ROCK2: variants seen among roughly 807,000 people sequenced by gnomAD.
ROCK2 encodes the protein Rho associated coiled-coil containing protein kinase 2.
A neutral mutation model predicts 195.1 loss-of-function variants in ROCK2; 61 were observed. The observed-to-expected ratio is 0.31, with a 90% CI of 0.25 to 0.39. The LOEUF (loss-of-function observed/expected upper bound fraction) is 0.39, where lower values mean the gene tolerates loss of function less well. ROCK2 is among the 10% of genes least tolerant of loss of function. The pLI is 1.00. For missense variants in ROCK2, 1,109 were observed against 1,637.4 expected (o/e 0.68, Z 5.57); for synonymous variants, 504 against 545.5 (o/e 0.92, Z 1.06).
In ROCK2 at chr2:11,192,579, CAGTT is replaced by C; in HGVS notation, c.3817_3820del (p.Asn1273ValfsTer5). 3 of 1,614,072 alleles carry C rather than the reference CAGTT, an allele frequency of 1.9e-6. No homozygotes were observed. Among genetic ancestry groups the C allele is most frequent in the Non-Finnish European group, 1.7e-6 (2 of 1,180,010 alleles). The stretch of plus-strand genomic sequence containing the variant: ...CCACAGGGGCTTCATACAAGCCTCA[CAGTT>C]GGTTGGGAAATGATAAAGAGTAGGA... On this transcript the variant is annotated frameshift_variant, in exon 31 of 33. Coordinates refer to ENST00000315872, the MANE Select transcript of ROCK2 (RefSeq NM_004850.5). LOFTEE classifies it high-confidence loss of function. The surrounding 1 kb of genome is among the most constrained non-coding windows in gnomAD (Gnocchi z 5.0).
In ROCK2 at chr2:11,228,231, A is replaced by G. The variant is rs115184430; in HGVS notation, c.724-833T>C. On this transcript the variant is annotated intron_variant, in intron 5 of 32. Transcript: ENST00000315872. ...CCTTTATTTCCTTTACCTGCCCAGT[A>G]AAGAGTGTGTTGCCCACATTCCTCA... 3.0e-3 allele frequency among the ~76,000 whole-genome samples: 463 copies of G among 152,302 alleles called. 2 individuals are homozygous for G. Among genetic ancestry groups the G allele is most frequent in the African/African-American group, 9.9e-3 (412 of 41,578 alleles).
intron 3 of ROCK2, among the ~76,000 whole-genome samples, chr2:11,275,037 CCCTGAGGTCAGGAGGT>C (rs1666775366): frequency 6.6e-6 from 1 of 151,954 alleles, no homozygotes; most frequent in Non-Finnish European, 1.5e-5. Context: ...CGGGCAGATC[CCCTGAGGTCAGGAGGT>C]CGAGACCAGC....
intron 4 of ROCK2, among the ~76,000 whole-genome samples, chr2:11,249,150 C>A (rs562058516): frequency 4.6e-5 from 7 of 152,246 alleles, no homozygotes; most frequent in Admixed American, 2.0e-4. Context: ...CCTGCCTTGG[C>A]CTCCCAAAGT....
intron 4 of ROCK2, among the ~76,000 whole-genome samples, chr2:11,247,314 T>C (rs1014738286): frequency 1.3e-5 from 2 of 152,178 alleles, no homozygotes; most frequent in Admixed American, 6.5e-5. Context: ...TGTGAAAATA[T>C]TCAAAATCAT....
chr2:11,279,921 C>G (rs948997056), intron 3 of ROCK2, among the ~76,000 whole-genome samples: 2 of 152,038 alleles, frequency 1.3e-5, no homozygotes, highest in Non-Finnish European at 2.9e-5. Flanking sequence ...CAACATAATT[C>G]TAAATAACTC....
At chr2:11,332,195 G>A (rs1015373725) in intron 1 of ROCK2, among the ~76,000 whole-genome samples, 1 of 151,834 alleles carries the variant, frequency 6.6e-6, no homozygotes, top group Non-Finnish European at 1.5e-5. Context: ...ACACAGATCA[G>A]CAAGACTCAT....
chr2:11,300,931 A>G (rs1049012532), intron 1 of ROCK2, among the ~76,000 whole-genome samples: 11 of 152,208 alleles, frequency 7.2e-5, no homozygotes, highest in African/African-American at 2.7e-4. Context: ...CCACTAACGT[A>G]TTATGCTTCT....
chr2:11,238,080 G>A (rs945921206), intron 4 of ROCK2, among the ~76,000 whole-genome samples: 10 of 152,224 alleles, frequency 6.6e-5, no homozygotes, highest in South Asian at 4.2e-4. Context: ...TTTGACTAGC[G>A]GGGAGAAAAG....
chr2:11,271,675 T>C (rs186739606), intron 3 of ROCK2, among the ~76,000 whole-genome samples: 2 of 152,292 alleles, frequency 1.3e-5, no homozygotes, highest in Admixed American at 6.5e-5. Context: ...TGATAGGATA[T>C]ACTCAAGGGG....
At chr2:11,218,899 CAT>C in intron 10 of ROCK2, 65 bp downstream of exon 10, 1 of 914,618 alleles carries the variant, frequency 1.1e-6, no homozygotes, top group Non-Finnish European at 1.7e-6. Flanking sequence ...TTTTTAAAAA[CAT>C]GGGGATTACT....
intron 4 of ROCK2, among the ~76,000 whole-genome samples, chr2:11,241,309 A>G (rs1665420142): frequency 6.6e-6 from 1 of 152,172 alleles, no homozygotes. Flanking sequence ...GCAAAGAAAA[A>G]AAGACTGGTG....
chr2:11,233,357 G>T (rs1295645838), intron 5 of ROCK2, among the ~76,000 whole-genome samples: 2 of 152,136 alleles, frequency 1.3e-5, no homozygotes, highest in African/African-American at 4.8e-5. Context: ...GAACTGAATA[G>T]TAAGTGTTAG....
rs1455941424 is a variant in ROCK2 at position 11,317,604 on chromosome 2, A to ATTTTTT, written c.141+26391_141+26392insAAAAAA. ...TATATATATATATATATATATATAT[A>ATTTTTT]TATATATATTTTTTTTTTTTTTTAA... On this transcript the variant is annotated intron_variant, in intron 1 of 32. Coordinates refer to ENST00000315872, the MANE Select transcript of ROCK2 (RefSeq NM_004850.5). Among the ~76,000 whole-genome samples, 7 of 16,186 alleles carry ATTTTTT rather than the reference A, an allele frequency of 4.3e-4. No individual in the cohort carries two copies. The East Asian group carries it at 0.059, about 137-fold the overall frequency. 10.6% of individuals were successfully genotyped at this position (16,186 alleles called of 152,430 possible). A position where few individuals can be genotyped will look rare whatever the true frequency, so the allele number is the denominator to read the frequency against.
intron 7 of ROCK2, 45 bp downstream of exon 7, chr2:11,224,277 T>G: frequency 6.6e-7 from 1 of 1,524,662 alleles, no homozygotes; most frequent in Non-Finnish European, 8.9e-7. Flanking sequence ...TTTCTATAAA[T>G]TTAACATAAA....
chr2:11,185,097 A>G (rs924203345), intron 32 of ROCK2, among the ~76,000 whole-genome samples: 1 of 152,220 alleles, frequency 6.6e-6, no homozygotes, highest in Admixed American at 6.5e-5. Context: ...GTTTGATTTG[A>G]GAATTATGAA....
At chr2:11,287,236 T>A (rs2148194481) in intron 2 of ROCK2, among the ~76,000 whole-genome samples, 1 of 152,290 alleles carries the variant, frequency 6.6e-6, no homozygotes, top group East Asian at 1.9e-4. Flanking sequence ...TGGCAAAGAT[T>A]AAGGGTTACC....
In ROCK2 at chr2:11,192,311, T is replaced by C. The variant is rs960536932; in HGVS notation, c.4000A>G (p.Thr1334Ala). ...CTAACCCACTTCTGCTGCTCTTCTGTAGAATTTGCTAGTAATAACAGATTC... is the reference window on the plus strand; with the variant it reads ...CTAACCCACTTCTGCTGCTCTTCTGCAGAATTTGCTAGTAATAACAGATTC... ...AKNLLLLANSTEEQQKWVSRL... is the reference protein window; with the variant it reads ...AKNLLLLANSAEEQQKWVSRL... The change falls in exon 32 of 33, where the codon ACA (threonine) becomes GCA (alanine). Residue 1334 changes from threonine (T) to alanine (A), a missense_variant. Coordinates refer to ENST00000315872, the MANE Select transcript of ROCK2 (RefSeq NM_004850.5). This position sits in a 1 kb window ranked among gnomAD's most constrained non-coding sequence, Gnocchi z 5.0. 6.2e-7 allele frequency: 1 copy of C among 1,613,978 alleles called. No individual in the cohort carries two copies. The highest frequency in any genetic ancestry group is 8.5e-7 in the Non-Finnish European group (1 of 1,179,922).
rs182533689 is a variant in ROCK2 at position 11,185,515 on chromosome 2, G to A, written c.4164-2075C>T. 7.0e-3 allele frequency among the ~76,000 whole-genome samples: 1,067 copies of A among 152,272 alleles called. 15 individuals carry two copies. The highest frequency in any genetic ancestry group is 0.024 in the African/African-American group (1,015 of 41,572). On this transcript the variant is annotated intron_variant, in intron 32 of 32. Coordinates refer to ENST00000315872, the MANE Select transcript of ROCK2 (RefSeq NM_004850.5). Reference sequence around the variant, plus strand: ...AGGCTGAGGCGGGCAGATCACCTGAGGTGAGGAGTTCAAGACCAGCCTGGC... The same window carrying A: ...AGGCTGAGGCGGGCAGATCACCTGAAGTGAGGAGTTCAAGACCAGCCTGGC...
intron 18 of ROCK2, among the ~76,000 whole-genome samples, chr2:11,208,986 T>C (rs1664157705): frequency 6.6e-6 from 1 of 152,216 alleles, no homozygotes; most frequent in South Asian, 2.1e-4. Context: ...CAATATTACA[T>C]CTATTCTAAT....
Sources: allele counts gnomAD v4.1 joint callset (sites outside exome capture counted in the v4.1 genomes callset), GRCh38; gene constraint gnomAD v4.1.1; non-coding constraint Gnocchi (gnomAD v3.1); transcripts MANE v1.5; gene names NCBI Gene and HGNC (gene_info 2026-07-23, HGNC 2026-07-21).